ADRA1D: variants seen among roughly 807,000 people sequenced by gnomAD.
ADRA1D encodes the protein alpha-1D adrenergic receptor.
A neutral mutation model predicts 18.6 loss-of-function variants in ADRA1D; 22 were observed. The ratio of observed to expected loss-of-function variants is 1.19; its 90% CI spans 0.85 to 1.69. The LOEUF is 1.69. ADRA1D is among the 40% of genes most tolerant of loss of function. The pLI is 0.00. For synonymous variants in ADRA1D, 376 were observed against 388.2 expected, an observed-to-expected ratio of 0.97 and a Z score of 0.37; for missense variants, 840 against 840.7, an observed-to-expected ratio of 1.00 and a Z score of 0.01.
At chr20:4,246,779 T>C (rs1488371379) in intron 1 of ADRA1D, among the ~76,000 whole-genome samples, 1 of 152,142 alleles carries the variant, frequency 6.6e-6, no homozygotes, top group African/African-American at 2.4e-5. Context: ...GGGAAAGCAT[T>C]GAGGGCTTTT....
intron 1 of ADRA1D, among the ~76,000 whole-genome samples, chr20:4,231,483 C>G (rs889524445): frequency 4.6e-5 from 7 of 152,104 alleles, no homozygotes; most frequent in African/African-American, 1.7e-4. Context: ...ATCCCAGCCT[C>G]TAGCACAAGT....
At chr20:4,238,081 G>T (rs1247944745) in intron 1 of ADRA1D, among the ~76,000 whole-genome samples, 1 of 149,974 alleles carries the variant, frequency 6.7e-6, no homozygotes, top group Non-Finnish European at 1.5e-5. Flanking sequence ...AACCCCCCCC[G>T]TCTCTACTAA....
Position 4,222,107 on chromosome 20 carries a change from G to A in ADRA1D, c.1135C>T (p.Pro379Ser), listed in dbSNP as rs1229872916. 6.2e-7 allele frequency: 1 copy of A among 1,612,436 alleles called. No homozygotes were observed. The highest frequency in any genetic ancestry group is 8.5e-7 in the Non-Finnish European group (1 of 1,179,400). Residue 379 changes from proline to serine, a missense_variant, in exon 2 of 2, where the codon CCA becomes TCA. Physicochemically the swap from Pro to Ser is moderately conservative, Grantham distance 74. Transcript: ENST00000379453. This position sits in a 1 kb window ranked among gnomAD's most constrained non-coding sequence, Gnocchi z 4.3. Reference sequence around the variant, plus strand: ...ATGACCTTGAAGACGCCCTCCGATGGCTTCAGCTGCGGGAACAAGGAGCCT... The same window carrying A: ...ATGACCTTGAAGACGCCCTCCGATGACTTCAGCTGCGGGAACAAGGAGCCT... ...PLGSLFPQLK[P>S]SEGVFKVIFW...
chr20:4,223,116 C>G (rs544616849), intron 1 of ADRA1D, among the ~76,000 whole-genome samples: 21 of 151,120 alleles, frequency 1.4e-4, no homozygotes, highest in Admixed American at 7.3e-4. Flanking sequence ...TTTAGACCCA[C>G]AGAGTCAATT....
chr20:4,232,516 C>T (rs1980994572), intron 1 of ADRA1D, among the ~76,000 whole-genome samples: 1 of 152,210 alleles, frequency 6.6e-6, no homozygotes, highest in Non-Finnish European at 1.5e-5. Flanking sequence ...ATCCAGACTG[C>T]TCAGAAGGGC....
intron 1 of ADRA1D, among the ~76,000 whole-genome samples, chr20:4,233,942 C>T (rs1020486197): frequency 1.3e-5 from 2 of 152,232 alleles, no homozygotes; most frequent in Admixed American, 6.5e-5. Flanking sequence ...ATCCAGCTGG[C>T]TGGGCTGCTC....
rs1331545909 is a variant in ADRA1D at position 4,221,810 on chromosome 20, G to T, written c.1432C>A (p.Pro478Thr). ...CTGGCGACCGGAGCCTGCATCTCGGGCGTGCCTGGGGGTTCGGGGTCGGGG... is the reference window on the plus strand; with the variant it reads ...CTGGCGACCGGAGCCTGCATCTCGGTCGTGCCTGGGGGTTCGGGGTCGGGG... The part of the protein sequence containing the change: ...PDPDPEPPGT[P>T]EMQAPVASRR... Residue 478 changes from proline to threonine, a missense_variant, in exon 2 of 2, where the codon CCC (proline) becomes ACC (threonine). Transcript: ENST00000379453. 1.1e-5 allele frequency: 17 copies of T among 1,550,024 alleles called. No individual in the cohort carries two copies. The highest frequency in any genetic ancestry group is 1.5e-5 in the Non-Finnish European group (17 of 1,153,108).
chr20:4,234,382 C>T (rs1215636696), intron 1 of ADRA1D, among the ~76,000 whole-genome samples: 1 of 152,212 alleles, frequency 6.6e-6, no homozygotes, highest in Non-Finnish European at 1.5e-5. Context: ...TCAGAATTCA[C>T]AGCCAGCCTT....
chr20:4,230,133 CA>C (rs1568764262), intron 1 of ADRA1D, among the ~76,000 whole-genome samples: 3 of 152,212 alleles, frequency 2.0e-5, no homozygotes, highest in Non-Finnish European at 4.4e-5. Flanking sequence ...TTCGTATTCA[CA>C]ATTGCAATAT....
chr20:4,242,327 C>T (rs909108729), intron 1 of ADRA1D, among the ~76,000 whole-genome samples: 2 of 152,176 alleles, frequency 1.3e-5, no homozygotes, highest in Non-Finnish European at 2.9e-5. Context: ...CATCTGGCCT[C>T]ATCTCTTGAC....
At chr20:4,226,556 A>G (rs1466507994) in intron 1 of ADRA1D, among the ~76,000 whole-genome samples, 1 of 152,198 alleles carries the variant, frequency 6.6e-6, no homozygotes, top group African/African-American at 2.4e-5. Context: ...GAGGTGGGGT[A>G]TTTATACGCC....
Position 4,221,749 on chromosome 20 carries a change from C to T in ADRA1D, c.1493G>A (p.Arg498Lys). ...GGGTCTCCGGAACGGCCCCAGCAGCCTCCACTCGCGGAAGGCGCTGGGTGG... is the reference window on the plus strand; with the variant it reads ...GGGTCTCCGGAACGGCCCCAGCAGCTTCCACTCGCGGAAGGCGCTGGGTGG... ...RKPPSAFREW[R>K]LLGPFRRPTT... Residue 498 changes from arginine to lysine, a missense_variant, in exon 2 of 2, where the codon AGG becomes AAG. By Grantham distance (26) the Arg-to-Lys change is conservative (BLOSUM62 2). Transcript: ENST00000379453. 2 of 1,601,820 alleles carry T rather than the reference C, an allele frequency of 1.2e-6. No individual in the cohort carries two copies. The highest frequency in any genetic ancestry group is 1.7e-6 in the Non-Finnish European group (2 of 1,176,786).
Position 4,248,232 on chromosome 20 carries a change from G to C in ADRA1D, c.726C>G (p.Asp242Glu), listed in dbSNP as rs764832183. The change falls in exon 1 of 2, where the codon GAC (aspartate) becomes GAG (glutamate). Residue 242 changes from aspartate (D) to glutamate (E), a missense_variant. Coordinates refer to ENST00000379453, the MANE Select transcript of ADRA1D (RefSeq NM_000678.4). ...CCTCGGTGATACCGCAGAAGCGCTC[G>C]TCAGGGGGCACGGGCTCCTTCCAGC... ...LLGWKEPVPPDERFCGITEEA... is the reference protein window; with the variant it reads ...LLGWKEPVPPEERFCGITEEA... The C allele has an allele frequency of 3.1e-6, 5 of 1,603,052 alleles. No homozygotes were observed. The East Asian group carries it at 9.0e-5, about 29-fold the overall frequency.
Position 4,227,755 on chromosome 20 carries a change from C to CCTTCCTTT in ADRA1D, c.1112-5626_1112-5625insAAAGGAAG, listed in dbSNP as rs1568763493. On this transcript the variant is annotated intron_variant, in intron 1 of 1. Transcript: ENST00000379453. Reference sequence around the variant, plus strand: ...CCTTCCTTCCTTCCTTCCTTCTTCTCTCTCTCTCTTTCTTCTCTTTCTTTC... The same window carrying CCTTCCTTT: ...CCTTCCTTCCTTCCTTCCTTCTTCTCCTTCCTTTTCTCTCTCTTTCTTCTCTTTCTTTC... Among the ~76,000 whole-genome samples, 187 of 136,430 alleles carry CCTTCCTTT rather than the reference C, an allele frequency of 1.4e-3. 4 individuals carry two copies. Among genetic ancestry groups the CCTTCCTTT allele is most frequent in the African/African-American group, 4.9e-3 (178 of 36,598 alleles). The allele number at this position is 136,430 out of a possible 152,430, so 89.5% of individuals were successfully genotyped here.
intron 1 of ADRA1D, among the ~76,000 whole-genome samples, chr20:4,245,113 G>A (rs1453668166): frequency 6.6e-6 from 1 of 152,248 alleles, no homozygotes; most frequent in African/African-American, 2.4e-5. Flanking sequence ...GTCACGTGAC[G>A]TGGACCTCAA....
intron 1 of ADRA1D, among the ~76,000 whole-genome samples, chr20:4,246,355 T>C (rs1004157367): frequency 2.0e-5 from 3 of 152,122 alleles, no homozygotes; most frequent in Non-Finnish European, 2.9e-5. Context: ...CTGAGGGTCA[T>C]GGGTCCAAGA....
intron 1 of ADRA1D, among the ~76,000 whole-genome samples, chr20:4,235,405 C>T (rs1380946555): frequency 6.6e-6 from 1 of 152,128 alleles, no homozygotes; most frequent in Non-Finnish European, 1.5e-5. Context: ...CTCTTTTTTT[C>T]CCTCCTCTTC....
At position 4,248,773 on chromosome 20, in the gene ADRA1D, C is replaced by A; in HGVS notation, c.185G>T (p.Gly62Val). ...CCCCGCGGAGCTCCGGTTGTCCTCG[C>A]CGCTGCCTGCGCCCACCACGCCGCC... ...GGGGVVGAGS[G>V]EDNRSSAGEP... The change falls in exon 1 of 2, where the codon GGC becomes GTC. Residue 62 changes from glycine to valine, a missense_variant. Physicochemically the swap from Gly to Val is moderately radical, Grantham distance 109 (BLOSUM62 -3). Transcript: ENST00000379453. 1 of 1,307,478 alleles carries A rather than the reference C, an allele frequency of 7.6e-7. No homozygotes were observed. Among genetic ancestry groups the A allele is most frequent in the Non-Finnish European group, 9.7e-7 (1 of 1,030,036 alleles). The allele number at this position is 1,307,478 out of a possible 1,614,324, so 81.0% of individuals were successfully genotyped here. A position where few individuals can be genotyped will look rare whatever the true frequency, so the allele number is the denominator to read the frequency against.
intron 1 of ADRA1D, among the ~76,000 whole-genome samples, chr20:4,231,605 C>T (rs970151571): frequency 2.0e-5 from 3 of 152,140 alleles, no homozygotes; most frequent in East Asian, 1.9e-4. Flanking sequence ...TGACGCTTTC[C>T]GAGTGTTCAG....
Sources: gnomAD v4.1 joint callset for allele counts (sites outside exome capture counted in the v4.1 genomes callset) on GRCh38, gnomAD v4.1.1 for gene constraint, Gnocchi (gnomAD v3.1) non-coding constraint, MANE v1.5 for transcripts, NCBI Gene and HGNC (gene_info 2026-07-23, HGNC 2026-07-21) for gene names.